NXPE2: variants seen among roughly 807,000 people sequenced by gnomAD.
NXPE2 encodes NXPE family member 2.
A neutral mutation model predicts 34.4 loss-of-function variants in NXPE2; 34 were observed. That is an observed-to-expected ratio of 0.99 (90% CI 0.75 to 1.31). NXPE2 has a LOEUF of 1.31. Ranked by LOEUF, NXPE2 falls within the 40% of genes most tolerant of loss-of-function variation. The pLI, the probability that NXPE2 is intolerant of heterozygous loss-of-function variation, is 0.00. For synonymous variants in NXPE2, 235 were observed against 231.3 expected, an observed-to-expected ratio of 1.02 and a Z score of -0.15; for missense variants, 649 against 672.5, an observed-to-expected ratio of 0.97 and a Z score of 0.39.
chr11:114,490,003 A>G, the NXPE2 span, among the ~76,000 whole-genome samples: 154 of 152,350 alleles, frequency 1.0e-3, no homozygotes, highest in African/African-American at 3.4e-3. Flanking sequence ...AAGCAACTTC[A>G]GCAGTCTCAG....
At chr11:114,493,633 C>CT in the NXPE2 span, among the ~76,000 whole-genome samples, 1 of 152,000 alleles carries the variant, frequency 6.6e-6, no homozygotes, top group African/African-American at 2.4e-5. Context: ...TATCTTCTTG[C>CT]TTTTTAACTT....
At chr11:114,552,766 T>G in the NXPE2 span, 1 of 452,554 alleles carries the variant, frequency 2.2e-6, no homozygotes, top group Admixed American at 6.4e-5. Flanking sequence ...AAAAGTATGA[T>G]TGCTATTGCA....
chr11:114,638,914 G>GGTCAGGT, the NXPE2 span, among the ~76,000 whole-genome samples: 1 of 151,928 alleles, frequency 6.6e-6, no homozygotes, highest in Non-Finnish European at 1.5e-5. Flanking sequence ...GGGGGTCAGG[G>GGTCAGGT]GTCAGGGACC....
the NXPE2 span, among the ~76,000 whole-genome samples, chr11:114,660,203 T>G: frequency 6.6e-6 from 1 of 152,004 alleles, no homozygotes; most frequent in Admixed American, 6.6e-5. Flanking sequence ...GCCTAAATGG[T>G]TTTATTTGCA....
At chr11:114,630,779 T>C in the NXPE2 span, among the ~76,000 whole-genome samples, 38 of 151,168 alleles carry the variant, frequency 2.5e-4, no homozygotes, top group South Asian at 8.3e-4. Flanking sequence ...ACTCATCTGA[T>C]AAAGGGTTAA....
chr11:114,554,329 T>C, the NXPE2 span: 4 of 985,126 alleles, frequency 4.1e-6, no homozygotes, highest in African/African-American at 1.7e-5. Flanking sequence ...CCAGGTTCTC[T>C]TTCCTCTTCC....
chr11:114,653,142 T>C, the NXPE2 span, among the ~76,000 whole-genome samples: 2 of 152,218 alleles, frequency 1.3e-5, no homozygotes, highest in African/African-American at 4.8e-5. Flanking sequence ...TACTGACTTG[T>C]TTTATAAGTT....
chr11:114,568,041 A>T, the NXPE2 span, among the ~76,000 whole-genome samples: 386 of 152,262 alleles, frequency 2.5e-3, 4 homozygotes, highest in Middle Eastern at 0.01. Context: ...CACAGTGTGT[A>T]TATTGATTTG....
chr11:114,533,058 T>G, the NXPE2 span, among the ~76,000 whole-genome samples: 2 of 152,164 alleles, frequency 1.3e-5, no homozygotes, highest in African/African-American at 4.8e-5. Flanking sequence ...TGAATTAATG[T>G]TCAACATAAC....
At chr11:114,635,471 A>C in the NXPE2 span, among the ~76,000 whole-genome samples, 1 of 151,790 alleles carries the variant, frequency 6.6e-6, no homozygotes, top group Non-Finnish European at 1.5e-5. Context: ...TCTCCTGCGT[A>C]ATTGCCCTGG....
At chr11:114,808,695 A>G in the NXPE2 span, among the ~76,000 whole-genome samples, 2 of 151,828 alleles carry the variant, frequency 1.3e-5, no homozygotes, top group African/African-American at 4.8e-5. Context: ...AATTGAGGCA[A>G]TAATCAATAG....
the NXPE2 span, among the ~76,000 whole-genome samples, chr11:114,804,059 A>C: frequency 2.0e-5 from 3 of 152,190 alleles, no homozygotes; most frequent in South Asian, 6.2e-4. Flanking sequence ...CTACTCTACA[A>C]AAGGGCAGTT....
chr11:114,592,531 TCACA>T, the NXPE2 span, among the ~76,000 whole-genome samples: 1 of 148,152 alleles, frequency 6.7e-6, no homozygotes, highest in East Asian at 2.0e-4. Context: ...ACACACACAC[TCACA>T]CACACACACA....
chr11:114,521,764 C>A, the NXPE2 span: 3 of 495,728 alleles, frequency 6.1e-6, no homozygotes, highest in Middle Eastern at 5.2e-4. Context: ...CAGAACCAGG[C>A]ATGGTATAGT....
the NXPE2 span, among the ~76,000 whole-genome samples, chr11:114,533,679 T>TAGAG: frequency 6.6e-6 from 1 of 152,190 alleles, no homozygotes; most frequent in Non-Finnish European, 1.5e-5. Flanking sequence ...CACGGAGCCT[T>TAGAG]GCTCATTGCT....
chr11:114,723,296 A>G, the NXPE2 span, among the ~76,000 whole-genome samples: 1 of 152,158 alleles, frequency 6.6e-6, no homozygotes, highest in African/African-American at 2.4e-5. Flanking sequence ...ATTTACAAGG[A>G]AAGAGTGAAG....
At chr11:114,805,489 T>TAATA in the NXPE2 span, among the ~76,000 whole-genome samples, 3 of 152,202 alleles carry the variant, frequency 2.0e-5, no homozygotes, top group African/African-American at 7.2e-5. Flanking sequence ...ACTCCTACCC[T>TAATA]AATACTGAAG....
chr11:114,465,587 A>G, the NXPE2 span, among the ~76,000 whole-genome samples: 1 of 152,148 alleles, frequency 6.6e-6, no homozygotes, highest in Admixed American at 6.5e-5. Context: ...GGTTTTGGCA[A>G]TATTTCCTTC....
chr11:114,622,093 C>T, the NXPE2 span, among the ~76,000 whole-genome samples: 1 of 147,906 alleles, frequency 6.8e-6, no homozygotes, highest in Non-Finnish European at 1.5e-5. Flanking sequence ...ATAATAAGTA[C>T]TGCCTCATCA....
Sources: gnomAD v4.1 joint callset for allele counts (sites outside exome capture counted in the v4.1 genomes callset) on GRCh38, gnomAD v4.1.1 for gene constraint, MANE v1.5 for transcripts, NCBI Gene and HGNC (gene_info 2026-07-23, HGNC 2026-07-21) for gene names.